Variants in FHIT observed in about 807,000 individuals in gnomAD.
FHIT encodes the protein fragile histidine triad diadenosine triphosphatase, also known as bis(5'-adenosyl)-triphosphatase.
A neutral mutation model predicts 17.9 loss-of-function variants in FHIT; 19 were observed. The ratio of observed to expected loss-of-function variants is 1.06; its 90% confidence interval spans 0.74 to 1.56. The LOEUF (loss-of-function observed/expected upper bound fraction) is 1.56, where lower values mean the gene tolerates loss of function less well. Ranked by LOEUF, FHIT falls within the 40% of genes most tolerant of loss-of-function variation. The pLI, the probability that FHIT is intolerant of heterozygous loss-of-function variation, is 0.00. For synonymous variants in FHIT, 81 were observed against 69.7 expected, an observed-to-expected ratio of 1.16 and a Z score of -0.81; for missense variants, 248 against 189.2, an observed-to-expected ratio of 1.31 and a Z score of -1.82.
chr3:60,357,916 C>G (rs1699744942), intron 5 of FHIT, among the ~76,000 whole-genome samples: 1 of 152,132 alleles, frequency 6.6e-6, no homozygotes, highest in Non-Finnish European at 1.5e-5. Flanking sequence ...CTGACCTTCT[C>G]CCAGTAGATA....
chr3:60,171,481 T>C (rs527951268), intron 5 of FHIT, among the ~76,000 whole-genome samples: 2 of 152,280 alleles, frequency 1.3e-5, no homozygotes, highest in South Asian at 4.1e-4. Flanking sequence ...AGATGACTAA[T>C]TGTGGGTGCC....
intron 5 of FHIT, among the ~76,000 whole-genome samples, chr3:60,272,383 T>C (rs922061249): frequency 6.6e-6 from 1 of 152,034 alleles, no homozygotes; most frequent in South Asian, 2.1e-4. Flanking sequence ...ATATAGAAGA[T>C]CTGCAAAGGC....
chr3:60,346,744 G>C (rs886835731), intron 5 of FHIT, among the ~76,000 whole-genome samples: 1 of 152,150 alleles, frequency 6.6e-6, no homozygotes, highest in Non-Finnish European at 1.5e-5. Flanking sequence ...ATTAAAACAA[G>C]ATGTGCAAGA....
intron 3 of FHIT, among the ~76,000 whole-genome samples, chr3:60,832,439 G>A (rs1553742806): frequency 6.6e-6 from 1 of 152,080 alleles, no homozygotes; most frequent in Non-Finnish European, 1.5e-5. Context: ...CATGCCCAAT[G>A]TCTGTGTCAC....
chr3:60,320,018 G>T (rs376033666), intron 5 of FHIT, among the ~76,000 whole-genome samples: 2 of 152,100 alleles, frequency 1.3e-5, no homozygotes, highest in Admixed American at 6.6e-5. Context: ...AAAGCGCTCC[G>T]TAGGATGACA....
At chr3:59,998,312 C>A (rs187674551) in intron 7 of FHIT, among the ~76,000 whole-genome samples, 1 of 152,116 alleles carries the variant, frequency 6.6e-6, no homozygotes, top group East Asian at 1.9e-4. Flanking sequence ...GAAATTTAAA[C>A]CAGGCAGCCC....
chr3:60,657,829 C>A (rs2107818226), intron 4 of FHIT, among the ~76,000 whole-genome samples: 1 of 152,242 alleles, frequency 6.6e-6, no homozygotes, highest in East Asian at 1.9e-4. Flanking sequence ...ACATGGCCTG[C>A]CTTTAGGTAC....
At chr3:61,186,114 T>C (rs1438785774) in intron 2 of FHIT, among the ~76,000 whole-genome samples, 1 of 152,250 alleles carries the variant, frequency 6.6e-6, no homozygotes, top group Non-Finnish European at 1.5e-5. Flanking sequence ...GCATCTGCTG[T>C]ACACAATGCC....
At chr3:60,624,256 C>A (rs2039218197) in intron 4 of FHIT, among the ~76,000 whole-genome samples, 1 of 152,186 alleles carries the variant, frequency 6.6e-6, no homozygotes, top group Non-Finnish European at 1.5e-5. Context: ...TAAGAGACAG[C>A]AGGAAAGCTT....
intron 7 of FHIT, among the ~76,000 whole-genome samples, chr3:59,989,493 G>T (rs1709132349): frequency 1.3e-5 from 2 of 152,044 alleles, no homozygotes; most frequent in African/African-American, 4.8e-5. Context: ...GAAGACAAGA[G>T]GCTTTCCAAA....
At chr3:60,680,359 A>T (rs1553696550) in intron 4 of FHIT, among the ~76,000 whole-genome samples, 3 of 152,008 alleles carry the variant, frequency 2.0e-5, no homozygotes. Context: ...TCTCCAATTT[A>T]TGTTTCTTCA....
At chr3:60,016,069 T>C (rs1237592526) in intron 5 of FHIT, among the ~76,000 whole-genome samples, 1 of 152,218 alleles carries the variant, frequency 6.6e-6, no homozygotes, top group Non-Finnish European at 1.5e-5. Context: ...ATGGGTAAAT[T>C]CCATATTATA....
rs117203515 is a variant in FHIT at position 60,373,567 on chromosome 3, G to T, written c.103+163293C>A. On this transcript the variant is annotated intron_variant, in intron 5 of 9. Coordinates refer to ENST00000492590, the MANE Select transcript of FHIT (RefSeq NM_002012.4). ...AAGAAAGGTTTTTAAAGCAGGAAAT[G>T]GACATGATCAGGTTGAGTGTATAAG... Among the ~76,000 whole-genome samples the T allele has an allele frequency of 1.8e-3, 276 of 152,152 alleles. 10 individuals are homozygous for T. In the East Asian group the frequency reaches 0.046, roughly 25 times the overall value.
At chr3:59,971,208 A>G (rs1168177303) in intron 7 of FHIT, among the ~76,000 whole-genome samples, 1 of 152,138 alleles carries the variant, frequency 6.6e-6, no homozygotes, top group African/African-American at 2.4e-5. Flanking sequence ...TCTGAGTCCT[A>G]TTTGAAAGTA....
At chr3:60,892,931 G>A (rs1553761014) in intron 3 of FHIT, among the ~76,000 whole-genome samples, 4 of 152,184 alleles carry the variant, frequency 2.6e-5, no homozygotes, top group African/African-American at 9.7e-5. Context: ...TACCGGTAAT[G>A]TCTACTTTTA....
intron 5 of FHIT, among the ~76,000 whole-genome samples, chr3:60,324,960 A>G (rs1317236962): frequency 6.6e-6 from 1 of 152,172 alleles, no homozygotes; most frequent in Admixed American, 6.5e-5. Flanking sequence ...TTCAATGATA[A>G]TGAGCATTCT....
chr3:61,198,895 CGATGATGATGATGATGAT>C (rs56054524), intron 2 of FHIT, among the ~76,000 whole-genome samples: 18 of 150,700 alleles, frequency 1.2e-4, no homozygotes, highest in South Asian at 2.1e-4. Context: ...CTGCCGCCGC[CGATGATGATGATGATGAT>C]GATGATGATG....
chr3:60,978,501 A>C (rs1056289173), intron 3 of FHIT, among the ~76,000 whole-genome samples: 4 of 152,218 alleles, frequency 2.6e-5, no homozygotes, highest in Non-Finnish European at 5.9e-5. Context: ...AGGGGCCTGC[A>C]GTAAAGAGAA....
At chr3:60,548,862 T>C (rs1486409713) in intron 4 of FHIT, among the ~76,000 whole-genome samples, 1 of 152,230 alleles carries the variant, frequency 6.6e-6, no homozygotes, top group South Asian at 2.1e-4. Context: ...ATCATACTCT[T>C]GACTCCAACA....
Sources: gnomAD v4.1 joint callset for allele counts (sites outside exome capture counted in the v4.1 genomes callset) on GRCh38, gnomAD v4.1.1 for gene constraint, MANE v1.5 for transcripts, NCBI Gene and HGNC (gene_info 2026-07-23, HGNC 2026-07-21) for gene names.